GLB1L: variants seen among roughly 807,000 people sequenced by gnomAD.
GLB1L encodes the protein galactosidase beta 1 like.
Under a neutral mutation model 75.7 loss-of-function variants are expected in GLB1L, and 58 were observed. That is an observed-to-expected ratio of 0.77 (90% confidence interval 0.62 to 0.95). The LOEUF (loss-of-function observed/expected upper bound fraction) is 0.95. GLB1L is among the 40% of genes least tolerant of loss of function. The pLI, the probability that GLB1L is intolerant of heterozygous loss-of-function variation, is 0.00. For synonymous variants in GLB1L, 296 were observed against 303.0 expected (o/e 0.98, Z 0.24); for missense variants, 797 against 805.5 (o/e 0.99, Z 0.13).
rs1188021895 is a variant in GLB1L at position 219,236,897 on chromosome 2, C to T, written c.*175G>A. On this transcript the variant is annotated 3_prime_UTR_variant, in exon 17 of 17. Coordinates refer to ENST00000295759, the MANE Select transcript of GLB1L (RefSeq NM_001286423.2). The stretch of plus-strand genomic sequence containing the variant: ...CTCCTGCCCTCAGCCTCCCAAGTAG[C>T]TGGGATTAGAGGTGCCCACCATCAC... 7.6e-6 allele frequency: 4 copies of T among 525,758 alleles called. No homozygotes were observed. Among genetic ancestry groups the T allele is most frequent in the African/African-American group, 5.8e-5 (3 of 52,092 alleles). The allele number at this position is 525,758 out of a possible 1,614,324, so 32.6% of individuals were successfully genotyped here.
intron 10 of GLB1L, 71 bp downstream of exon 10, chr2:219,239,340 A>ATCCACCTGGCCCTTAGATTCTAATTCC: frequency 6.6e-7 from 1 of 1,518,798 alleles, no homozygotes; most frequent in South Asian, 1.3e-5. Context: ...AGACATCCTA[A>ATCCACCTGGCCCTTAGATTCTAATTCC]TCCACCTGGC....
chr2:219,240,469 C>T (rs1430497624), intron 5 of GLB1L, among the ~76,000 whole-genome samples, 184 bp from the exon 6 acceptor site: 6 of 152,218 alleles, frequency 3.9e-5, no homozygotes, highest in African/African-American at 7.2e-5. Context: ...ATGGGCCGGG[C>T]GTGGCGGCTC....
At position 219,239,647 on chromosome 2, in the gene GLB1L, G is replaced by A. The variant is rs957900970; in HGVS notation, c.816C>T (p.Tyr272=). The change falls in exon 9 of 17, where the codon TAC becomes TAT. Residue 272 remains tyrosine, a synonymous_variant. Transcript: ENST00000295759. ...NSEYYTGWLD[Y]WGQNHSTRSV... ...ACCGTGTGGAGTGATTCTGGCCCCA[G>A]TAATCCAGCCAGCCTGTGTAGTACT... is the stretch of plus-strand genomic sequence containing the variant. 6.2e-7 allele frequency: 1 copy of A among 1,614,076 alleles called. No homozygotes were observed. Among genetic ancestry groups the A allele is most frequent in the East Asian group, 2.2e-5 (1 of 44,894 alleles).
chr2:219,240,432 C>A, intron 5 of GLB1L, 147 bp from the exon 6 acceptor site: 2 of 722,896 alleles, frequency 2.8e-6, no homozygotes, highest in South Asian at 1.6e-5. Context: ...ACATAGGAAA[C>A]CTTAAAATAG....
Position 219,238,464 on chromosome 2 carries a change from C to A in GLB1L, c.1227+31G>T. Reference sequence around the variant, plus strand: ...GCGTATAGCTGTTAAGGGAGGTTGTCATCTCCACCAGATGTGGGTTTATGC... The same window carrying A: ...GCGTATAGCTGTTAAGGGAGGTTGTAATCTCCACCAGATGTGGGTTTATGC... On this transcript the variant is annotated intron_variant, in intron 13 of 16. Transcript: ENST00000295759. 3 of 1,592,160 alleles carry A rather than the reference C, an allele frequency of 1.9e-6. No individual in the cohort carries two copies. The South Asian group carries it at 3.3e-5, about 18-fold the overall frequency.
rs1951418087 is a variant in GLB1L at position 219,242,587 on chromosome 2, TAAAG to T, written c.391-17_391-14del. ...ATGGGAGACCCCCCTGAGACAAACA[TAAAG>T]AGAACAAAGAAGCATGTAGGTTTTG... On this transcript the variant is annotated splice_polypyrimidine_tract_variant and intron_variant, in intron 4 of 16. Coordinates refer to ENST00000295759, the MANE Select transcript of GLB1L (RefSeq NM_001286423.2). 6.2e-7 allele frequency: 1 copy of T among 1,611,040 alleles called. No individual in the cohort carries two copies. Among genetic ancestry groups the T allele is most frequent in the Non-Finnish European group, 8.5e-7 (1 of 1,177,478 alleles).
rs764386196 is a variant in GLB1L, at chr2:219,239,810, T to TA, written c.744dup (p.Thr249TyrfsTer7). On this transcript the variant is annotated frameshift_variant, in exon 8 of 17. Coordinates refer to ENST00000295759, the MANE Select transcript of GLB1L (RefSeq NM_001286423.2). LOFTEE classifies it high-confidence loss of function. ...TGGGGTTCATACTTCCGAAGCAGGG[T>TA]AAAGATTTTGGTCATGTTGTCAGCT... The TA allele has an allele frequency of 5.0e-6, 8 of 1,614,010 alleles. No homozygotes were observed. In the African/African-American group the frequency reaches 1.1e-4, roughly 22 times the overall value.
rs550896427 is a variant in GLB1L, at chr2:219,240,417, T to G, written c.452-132A>C. On this transcript the variant is annotated intron_variant, in intron 5 of 16. Coordinates refer to ENST00000295759, the MANE Select transcript of GLB1L (RefSeq NM_001286423.2). ...CTTGTATATTTGCACGCCAATGAAATTTGAACATAGGAAACCTTAAAATAG... is the reference window on the plus strand; with the variant it reads ...CTTGTATATTTGCACGCCAATGAAAGTTGAACATAGGAAACCTTAAAATAG... 34 of 773,764 alleles carry G rather than the reference T, an allele frequency of 4.4e-5. No homozygotes were observed. In the South Asian group the frequency reaches 5.1e-4, roughly 12 times the overall value. 47.9% of individuals were successfully genotyped at this position (773,764 alleles called of 1,614,324 possible). A position where few individuals can be genotyped will look rare whatever the true frequency, so the allele number is the denominator to read the frequency against.
At chr2:219,243,007 C>A in intron 3 of GLB1L, 89 bp from the exon 4 acceptor site, 2 of 1,574,212 alleles carry the variant, frequency 1.3e-6, no homozygotes. Flanking sequence ...CTCCAGGAAG[C>A]GGTTGGAAGG....
chr2:219,238,374 A>C lies in GLB1L; in HGVS notation c.1228-11T>G. ...CATGAAGCCATGGTCCTGGGTATGG[A>C]AGAATGAGTACTTCAGACAAACAGA... On this transcript the variant is annotated splice_polypyrimidine_tract_variant and intron_variant, in intron 13 of 16. Coordinates refer to ENST00000295759, the MANE Select transcript of GLB1L (RefSeq NM_001286423.2). The C allele has an allele frequency of 1.3e-6, 2 of 1,584,354 alleles. No individual in the cohort carries two copies. The highest frequency in any genetic ancestry group is 1.7e-6 in the Non-Finnish European group (2 of 1,158,688).
intron 14 of GLB1L, 90 bp downstream of exon 14, chr2:219,238,160 G>T: frequency 9.2e-7 from 1 of 1,083,508 alleles, no homozygotes; most frequent in Non-Finnish European, 1.4e-6. Flanking sequence ...GAACAGGCAG[G>T]TGGGAAAGTG....
In GLB1L at chr2:219,243,207, C is replaced by T; in HGVS notation, c.180G>A (p.Arg60=). Residue 60 remains arginine (R), a synonymous_variant, in exon 3 of 17, where the codon CGG becomes CGA. Transcript: ENST00000295759. The part of the protein sequence containing the change: ...SGSLHYFRVP[R]VLWADRLLKM... ...TCAAAAGCCGGTCGGCCCAAAGCAC[C>T]CGCGGTACCCGAAAGTAGTGCAGGC... The T allele has an allele frequency of 3.1e-6, 5 of 1,614,098 alleles. No homozygotes were observed. The highest frequency in any genetic ancestry group is 4.2e-6 in the Non-Finnish European group (5 of 1,179,974).
chr2:219,236,652 T>C lies in GLB1L; in HGVS notation c.*420A>G, dbSNP rs1951247989. The C allele has an allele frequency of 1.5e-6, 1 of 675,910 alleles. No homozygotes were observed. The highest frequency in any genetic ancestry group is 2.3e-5 in the South Asian group (1 of 43,272). 41.9% of individuals were successfully genotyped at this position (675,910 alleles called of 1,614,324 possible). On this transcript the variant is annotated 3_prime_UTR_variant, in exon 17 of 17. Transcript: ENST00000295759. ...AATCACAATAAAGTTTGGCAAGGAA[T>C]GTGTACTTGTACTTACATTCAGAGG...
rs1027437468 is a variant in GLB1L, at chr2:219,237,144, G to A, written c.1893C>T (p.His631=). The change falls in exon 17 of 17, where the codon CAC becomes CAT. Residue 631 remains histidine, a synonymous_variant. Coordinates refer to ENST00000295759, the MANE Select transcript of GLB1L (RefSeq NM_001286423.2). Reference sequence around the variant, plus strand: ...CTGAAAGGGAATTGATATGTGTCCTGTGCAAAGTACTAGTGCTATTGAGGA... The same window carrying A: ...CTGAAAGGGAATTGATATGTGTCCTATGCAAAGTACTAGTGCTATTGAGGA... ...KPILNSTSTL[H]RTHINSLSAD... The A allele has an allele frequency of 1.2e-5, 19 of 1,613,986 alleles. No homozygotes were observed. The African/African-American group carries it at 2.3e-4, about 19-fold the overall frequency.
At chr2:219,240,525 C>T (rs558580970) in intron 5 of GLB1L, among the ~76,000 whole-genome samples, 24 of 151,564 alleles carry the variant, frequency 1.6e-4, no homozygotes, top group Admixed American at 1.2e-3. Context: ...AGGCAGATCA[C>T]GAGGTCAAGA....
At position 219,240,228 on chromosome 2, in the gene GLB1L, C is replaced by T. The variant is rs1951352033; in HGVS notation, c.509G>A (p.Trp170Ter). The change falls in exon 6 of 17, where the codon TGG (tryptophan) becomes TAG (stop). Residue 170 changes from tryptophan (W) to a stop codon, truncating the protein, a stop_gained. Coordinates refer to ENST00000295759, the MANE Select transcript of GLB1L (RefSeq NM_001286423.2). LOFTEE classifies it high-confidence loss of function. ...GATGTTGCCCCCATTGTGATAAAGC[C>T]ATGGATATATCTTGGGCAGCAAGAC... ...FKVLLPKIYP[W>*]LYHNGGNIIS... The T allele has an allele frequency of 6.2e-7, 1 of 1,614,206 alleles. No homozygotes were observed. The highest frequency in any genetic ancestry group is 1.3e-5 in the African/African-American group (1 of 75,058).
In GLB1L at chr2:219,237,658, C is replaced by T. The variant is rs2125051484; in HGVS notation, c.1543G>A (p.Asp515Asn). ...TQWMMFPLKI[D>N]NLVKWWFPLQ... ...GGAAACCACCACTTCACAAGGTTATCAATTTTCAGAGGGAACATCATCCAC... is the reference window on the plus strand; with the variant it reads ...GGAAACCACCACTTCACAAGGTTATTAATTTTCAGAGGGAACATCATCCAC... Residue 515 changes from aspartate (D) to asparagine (N), a missense_variant, in exon 16 of 17, where the codon GAT (aspartate) becomes AAT (asparagine). Coordinates refer to ENST00000295759, the MANE Select transcript of GLB1L (RefSeq NM_001286423.2). 2 of 1,614,222 alleles carry T rather than the reference C, an allele frequency of 1.2e-6. No homozygotes were observed. Among genetic ancestry groups the T allele is most frequent in the East Asian group, 4.5e-5 (2 of 44,888 alleles).
intron 1 of GLB1L, among the ~76,000 whole-genome samples, chr2:219,244,302 G>C (rs954088840): frequency 1.3e-5 from 2 of 152,192 alleles, no homozygotes; most frequent in Non-Finnish European, 2.9e-5. Flanking sequence ...TGAGGACAGG[G>C]AGTGCCCTGT....
Position 219,236,887 on chromosome 2 carries a change from T to C in GLB1L, c.*185A>G. 1 of 452,262 alleles carries C rather than the reference T, an allele frequency of 2.2e-6. No homozygotes were observed. The highest frequency in any genetic ancestry group is 2.5e-5 in the South Asian group (1 of 40,048). The allele number at this position is 452,262 out of a possible 1,614,324, so 28.0% of individuals were successfully genotyped here. ...TCAAGCAATTCTCCTGCCCTCAGCC[T>C]CCCAAGTAGCTGGGATTAGAGGTGC... On this transcript the variant is annotated 3_prime_UTR_variant, in exon 17 of 17. Transcript: ENST00000295759.
Sources: allele counts gnomAD v4.1 joint callset (sites outside exome capture counted in the v4.1 genomes callset), GRCh38; gene constraint gnomAD v4.1.1; transcripts MANE v1.5; gene names NCBI Gene and HGNC (gene_info 2026-07-23, HGNC 2026-07-21).